HIBCH: variants seen among roughly 807,000 people sequenced by gnomAD.
The protein encoded by HIBCH is 3-hydroxyisobutyryl-CoA hydrolase.
HIBCH carries 50 observed loss-of-function variants against 58.2 expected under a neutral mutation model. The ratio of observed to expected loss-of-function variants is 0.86; its 90% CI spans 0.68 to 1.09. The LOEUF is 1.09. HIBCH is among the 50% of genes least tolerant of loss of function. The pLI is 0.00. For synonymous variants in HIBCH, 151 were observed against 146.9 expected (o/e 1.03, Z -0.20); for missense variants, 450 against 449.7 (o/e 1.00, Z -0.01).
intron 2 of HIBCH, among the ~76,000 whole-genome samples, chr2:190,301,796 T>C (rs1688269913): frequency 6.6e-6 from 1 of 152,138 alleles, no homozygotes; most frequent in South Asian, 2.1e-4. Flanking sequence ...TTTGCATGAG[T>C]TCTGTGTGTC....
chr2:190,247,423 C>T (rs1334179455), intron 9 of HIBCH, among the ~76,000 whole-genome samples: 1 of 152,130 alleles, frequency 6.6e-6, no homozygotes, highest in African/African-American at 2.4e-5. Context: ...CAAGTGAAAT[C>T]CTCATGTGCT....
chr2:190,273,969 C>T (rs1687476898), intron 6 of HIBCH, among the ~76,000 whole-genome samples: 1 of 152,078 alleles, frequency 6.6e-6, no homozygotes, highest in African/African-American at 2.4e-5. Flanking sequence ...ACCACCATGC[C>T]TGGTTAATTT....
intron 1 of HIBCH, among the ~76,000 whole-genome samples, chr2:190,314,619 C>T (rs1332545225): frequency 6.6e-6 from 1 of 151,752 alleles, no homozygotes; most frequent in Non-Finnish European, 1.5e-5. Context: ...GCTGGGATTG[C>T]AGGCATGCGT....
In HIBCH at chr2:190,306,590, G is replaced by A. The variant is rs1253801272; in HGVS notation, c.78+4164C>T. Among the ~76,000 whole-genome samples the A allele has an allele frequency of 2.6e-5, 4 of 152,170 alleles. No homozygotes were observed. Among genetic ancestry groups the A allele is most frequent in the African/African-American group, 9.6e-5 (4 of 41,452 alleles). ...TATCACTCCCCTGAGGCTTAAGCAA[G>A]AGAAACCTTGCTCAGTGTTGCTCGC... is the stretch of plus-strand genomic sequence containing the variant. On this transcript the variant is annotated intron_variant, in intron 2 of 13. Transcript: ENST00000359678. This position sits in a 1 kb window ranked among gnomAD's most constrained non-coding sequence, Gnocchi z 4.6.
intron 6 of HIBCH, chr2:190,280,001 T>C (rs1349309147): frequency 1.3e-5 from 2 of 152,292 alleles, no homozygotes; most frequent in Admixed American, 6.5e-5. Flanking sequence ...CGCTGTACTC[T>C]TGTAGCAAAA....
chr2:190,268,158 T>C (rs1170689185), intron 6 of HIBCH, among the ~76,000 whole-genome samples: 1 of 152,194 alleles, frequency 6.6e-6, no homozygotes. Flanking sequence ...CATTCTACAA[T>C]TATGGTATGT....
At chr2:190,251,329 T>C (rs1281445829) in intron 8 of HIBCH, among the ~76,000 whole-genome samples, 1 of 152,168 alleles carries the variant, frequency 6.6e-6, no homozygotes, top group East Asian at 1.9e-4. Context: ...CCCCACAGAT[T>C]GAAGGACAGA....
intron 2 of HIBCH, among the ~76,000 whole-genome samples, chr2:190,299,483 T>C (rs1023571844): frequency 9.1e-5 from 13 of 142,566 alleles, no homozygotes; most frequent in East Asian, 4.1e-4. Context: ...TGTAATCACA[T>C]TGACAATGAT....
At chr2:190,302,960 G>A (rs984422659) in intron 2 of HIBCH, among the ~76,000 whole-genome samples, 1 of 152,174 alleles carries the variant, frequency 6.6e-6, no homozygotes, top group Non-Finnish European at 1.5e-5. Flanking sequence ...GCAAGGAGCA[G>A]GTAACAATTC....
intron 6 of HIBCH, among the ~76,000 whole-genome samples, chr2:190,282,461 TACA>T (rs372319241): frequency 1.3e-4 from 20 of 152,304 alleles, no homozygotes; most frequent in African/African-American, 4.6e-4. Flanking sequence ...AACCTCACTT[TACA>T]ACAACCTGCT....
chr2:190,228,053 A>G (rs182503779), intron 11 of HIBCH, among the ~76,000 whole-genome samples: 7 of 152,318 alleles, frequency 4.6e-5, no homozygotes, highest in African/African-American at 1.7e-4. Context: ...ATTACCGAGT[A>G]TGTACCCAAA....
chr2:190,228,397 G>A (rs903507220), intron 11 of HIBCH, among the ~76,000 whole-genome samples: 3 of 126,120 alleles, frequency 2.4e-5, no homozygotes, highest in African/African-American at 8.8e-5. Flanking sequence ...ACCAGGGACT[G>A]TTGTGGGGTG....
At chr2:190,252,089 C>A in intron 8 of HIBCH, 73 bp downstream of exon 8, 1 of 1,401,360 alleles carries the variant, frequency 7.1e-7, no homozygotes, top group Non-Finnish European at 1.0e-6. Flanking sequence ...TCTCAACCAC[C>A]CATTGTACCT....
rs545454077 is a variant in HIBCH, at chr2:190,234,834, T to TA, written c.891+10052dup. 9.4e-3 allele frequency among the ~76,000 whole-genome samples: 1,304 copies of TA among 139,004 alleles called. 11 individuals carry two copies. Among genetic ancestry groups the TA allele is most frequent in the African/African-American group, 0.027 (1,037 of 38,090 alleles). The allele number at this position is 139,004 out of a possible 152,430, so 91.2% of individuals were successfully genotyped here. On this transcript the variant is annotated intron_variant, in intron 11 of 13. Coordinates refer to ENST00000359678, the MANE Select transcript of HIBCH (RefSeq NM_014362.4). ...CAGCCTGGGTGACAGAGCAAGACTC[T>TA]AAAAAAAAAAAAACCTCAAACAAAA...
At chr2:190,311,123 C>CA (rs1189040968) in intron 1 of HIBCH, 46 of 459,076 alleles carry the variant, frequency 1.0e-4, no homozygotes, top group Admixed American at 1.6e-4. Context: ...TATTATGCCA[C>CA]AAAAAAAATT....
chr2:190,298,381 G>A (rs903265560), intron 2 of HIBCH, among the ~76,000 whole-genome samples: 3 of 152,158 alleles, frequency 2.0e-5, no homozygotes, highest in South Asian at 2.1e-4. Flanking sequence ...GCGTAAAAGC[G>A]TTCTTATTTC....
intron 11 of HIBCH, among the ~76,000 whole-genome samples, chr2:190,235,402 T>G (rs559495319): frequency 6.6e-6 from 1 of 152,314 alleles, no homozygotes; most frequent in African/African-American, 2.4e-5. Context: ...TCATATAGCC[T>G]CCAGTGGTAG....
Position 190,215,574 on chromosome 2 carries a change from A to G in HIBCH, c.892-2499T>C, listed in dbSNP as rs1233158944. 1 of 152,210 alleles carries G rather than the reference A, an allele frequency of 6.6e-6. No homozygotes were observed. The highest frequency in any genetic ancestry group is 1.5e-5 in the Non-Finnish European group (1 of 68,036). 9.4% of individuals were successfully genotyped at this position (152,210 alleles called of 1,614,324 possible). A position where few individuals can be genotyped will look rare whatever the true frequency, so the allele number is the denominator to read the frequency against. ...ATTTTAAAGGTTAATTTTCTGACTA[A>G]AAGCTGGCCTGATATTACTAAGAAA... is the stretch of plus-strand genomic sequence containing the variant. On this transcript the variant is annotated intron_variant, in intron 11 of 13. Coordinates refer to ENST00000359678, the MANE Select transcript of HIBCH (RefSeq NM_014362.4). The surrounding 1 kb of genome is among the most constrained non-coding windows in gnomAD (Gnocchi z 4.4).
At chr2:190,311,698 CAA>C (rs960411097) in intron 1 of HIBCH, among the ~76,000 whole-genome samples, 6 of 152,134 alleles carry the variant, frequency 3.9e-5, no homozygotes, top group African/African-American at 1.4e-4. Context: ...AAACTGAAAA[CAA>C]AGTAAATGTC....
Sources: allele counts gnomAD v4.1 joint callset (sites outside exome capture counted in the v4.1 genomes callset), GRCh38; gene constraint gnomAD v4.1.1; non-coding constraint Gnocchi (gnomAD v3.1); transcripts MANE v1.5; gene names NCBI Gene and HGNC (gene_info 2026-07-23, HGNC 2026-07-21).